UBR1: variants seen among roughly 807,000 people sequenced by gnomAD.
The protein encoded by UBR1 is ubiquitin protein ligase E3 component n-recognin 1, also known as E3 ubiquitin-protein ligase UBR1.
A neutral mutation model predicts 242.1 loss-of-function variants in UBR1; 102 were observed. That is an observed-to-expected ratio of 0.42 (90% confidence interval 0.36 to 0.50). The LOEUF (loss-of-function observed/expected upper bound fraction) is 0.50, where lower values mean the gene tolerates loss of function less well. Ranked by LOEUF, UBR1 falls within the 20% of genes least tolerant of loss-of-function variation. The probability of loss-of-function intolerance (pLI) is 0.01; values close to 1 mark genes in which losing one functional copy is unlikely to be tolerated. For missense variants in UBR1, 1,772 were observed against 2,101.8 expected, an observed-to-expected ratio of 0.84 and a Z score of 3.07; for synonymous variants, 675 against 684.8, an observed-to-expected ratio of 0.99 and a Z score of 0.22.
chr15:42,970,426 A>G, intron 40 of UBR1, 94 bp downstream of exon 40: 1 of 1,314,590 alleles, frequency 7.6e-7, no homozygotes, highest in Non-Finnish European at 1.1e-6. Context: ...ATTATTTTTA[A>G]CTGGAATTTA....
intron 17 of UBR1, among the ~76,000 whole-genome samples, chr15:43,036,914 AT>A (rs931970237): frequency 1.3e-4 from 19 of 148,352 alleles, no homozygotes; most frequent in Admixed American, 1.1e-3. Context: ...TCATAATACC[AT>A]TTTTTTCTTT....
Position 43,021,295 on chromosome 15 carries a change from T to C in UBR1, c.2920A>G (p.Met974Val). The change falls in exon 27 of 47, where the codon ATG (methionine) becomes GTG (valine). Residue 974 changes from methionine to valine, a missense_variant. This residue lies in a region of UBR1 where 965 missense variants were observed against 1,079.7 expected (regional missense o/e 0.89). Transcript: ENST00000290650. ...TTTACCTGAAGTATCCACGTTATCATGTCCTTCTGGCCTTCTAACTGGGGA... is the reference window on the plus strand; with the variant it reads ...TTTACCTGAAGTATCCACGTTATCACGTCCTTCTGGCCTTCTAACTGGGGA... ...GIPQLEGQKD[M>V]ITWILQMFDT... is the part of the protein sequence containing the mutation. 1 of 1,613,832 alleles carries C rather than the reference T, an allele frequency of 6.2e-7. No individual in the cohort carries two copies. Among genetic ancestry groups the C allele is most frequent in the Non-Finnish European group, 8.5e-7 (1 of 1,179,830 alleles).
In UBR1 at chr15:43,034,237, AAAATAAATAAAT is replaced by A. The variant is rs35184791; in HGVS notation, c.2191-1618_2191-1607del. ...GGTGACAGAGCAACACTCCATCTCA[AAAATAAATAAAT>A]AAATAAATAAATAAATAAATAAATA... On this transcript the variant is annotated intron_variant, in intron 19 of 46. Coordinates refer to ENST00000290650, the MANE Select transcript of UBR1 (RefSeq NM_174916.3). 3.2e-3 allele frequency among the ~76,000 whole-genome samples: 355 copies of A among 110,918 alleles called. 2 individuals carry two copies. The highest frequency in any genetic ancestry group is 0.011 in the African/African-American group (331 of 31,210). 72.8% of individuals were successfully genotyped at this position (110,918 alleles called of 152,430 possible).
At chr15:42,985,385 T>C (rs2032442653) in intron 35 of UBR1, among the ~76,000 whole-genome samples, 1 of 152,130 alleles carries the variant, frequency 6.6e-6, no homozygotes, top group African/African-American at 2.4e-5. Context: ...AGACTTTCGC[T>C]CTTGTTGCCC....
intron 13 of UBR1, 50 bp downstream of exon 13, chr15:43,048,342 A>G (rs778731661): frequency 6.9e-7 from 1 of 1,456,202 alleles, no homozygotes; most frequent in Admixed American, 1.9e-5. Flanking sequence ...ACTGCGGTTC[A>G]ATTTTTAAAA....
At chr15:43,020,134 G>A (rs571799048) in intron 27 of UBR1, among the ~76,000 whole-genome samples, 25 of 151,568 alleles carry the variant, frequency 1.6e-4, no homozygotes, top group Admixed American at 7.9e-4. Context: ...CCACCTCCCT[G>A]GTTCAAGCAA....
chr15:43,079,317 G>A (rs973172390), intron 3 of UBR1, among the ~76,000 whole-genome samples: 11 of 151,724 alleles, frequency 7.3e-5, no homozygotes, highest in South Asian at 6.2e-4. Context: ...AAAAATAATC[G>A]AATTAAATTA....
At chr15:43,006,106 G>GAAAAA (rs1235960946) in intron 30 of UBR1, among the ~76,000 whole-genome samples, 6 of 111,450 alleles carry the variant, frequency 5.4e-5, no homozygotes, top group African/African-American at 1.0e-4. Flanking sequence ...AAAAAAAAAA[G>GAAAAA]AAAAAAAAAA....
intron 32 of UBR1, among the ~76,000 whole-genome samples, chr15:42,999,630 AC>A (rs1048958487): frequency 2.0e-5 from 3 of 152,064 alleles, no homozygotes; most frequent in African/African-American, 7.2e-5. Flanking sequence ...GAGTTAGAGA[AC>A]AGCCTGGGAA....
chr15:43,007,173 C>G lies in UBR1; in HGVS notation c.3321G>C (p.Val1107=), dbSNP rs940897683. 6.2e-7 allele frequency: 1 copy of G among 1,613,978 alleles called. No homozygotes were observed. Among genetic ancestry groups the G allele is most frequent in the South Asian group, 1.1e-5 (1 of 91,082 alleles). ...ATACCATGGCATTATTTTCTATTTTCACCTCCTGTTCTTCTTGGCAAAGGA... is the reference window on the plus strand; with the variant it reads ...ATACCATGGCATTATTTTCTATTTTGACCTCCTGTTCTTCTTGGCAAAGGA... ...TCILCQEEQE[V]KIENNAMVLS... The change falls in exon 30 of 47, where the codon GTG becomes GTC. Residue 1107 remains valine (V), a synonymous_variant. Coordinates refer to ENST00000290650, the MANE Select transcript of UBR1 (RefSeq NM_174916.3).
At chr15:43,023,130 C>T (rs2033132034) in intron 25 of UBR1, among the ~76,000 whole-genome samples, 1 of 152,110 alleles carries the variant, frequency 6.6e-6, no homozygotes, top group South Asian at 2.1e-4. Context: ...GCTTCAGCTT[C>T]CCAAAGTGCT....
rs946141526 is a variant in UBR1 at position 42,943,875 on chromosome 15, G to GA, written c.*1453dup. On this transcript the variant is annotated 3_prime_UTR_variant, in exon 47 of 47. Transcript: ENST00000290650. ...TGTAATTATTCAAGTAGAAAATCATGATTGTGATTCTGACGCCTGCTCATG... is the reference window on the plus strand; with the variant it reads ...TGTAATTATTCAAGTAGAAAATCATGAATTGTGATTCTGACGCCTGCTCATG... 16 of 152,416 alleles carry GA rather than the reference G, an allele frequency of 1.0e-4. No homozygotes were observed. The highest frequency in any genetic ancestry group is 3.9e-4 in the African/African-American group (16 of 41,436). 9.4% of individuals were successfully genotyped at this position (152,416 alleles called of 1,614,324 possible).
chr15:42,960,705 T>G lies in UBR1; in HGVS notation c.4701-4A>C, dbSNP rs1166287826. ...TAAGGCAGGATCTGCACACCACCTG[T>G]ATGTGGAGCCAAGAGAAAAGACAAA... On this transcript the variant is annotated splice_region_variant and splice_polypyrimidine_tract_variant and intron_variant, in intron 42 of 46. Transcript: ENST00000290650. 1.2e-6 allele frequency: 2 copies of G among 1,613,730 alleles called. No homozygotes were observed. Among genetic ancestry groups the G allele is most frequent in the African/African-American group, 2.7e-5 (2 of 74,922 alleles).
At chr15:43,062,152 G>A (rs762623246) in intron 6 of UBR1, among the ~76,000 whole-genome samples, 2 of 152,064 alleles carry the variant, frequency 1.3e-5, no homozygotes, top group Non-Finnish European at 2.9e-5. Context: ...GTACCCAAAA[G>A]AACTGAAAGC....
chr15:43,050,621 G>C (rs146246190), intron 12 of UBR1, among the ~76,000 whole-genome samples: 4 of 152,060 alleles, frequency 2.6e-5, no homozygotes, highest in Non-Finnish European at 4.4e-5. Flanking sequence ...CTATTCGGGA[G>C]GCTGAGGCAG....
chr15:43,083,377 T>A (rs980082360), intron 2 of UBR1, among the ~76,000 whole-genome samples: 10 of 140,698 alleles, frequency 7.1e-5, no homozygotes, highest in African/African-American at 2.5e-4. Context: ...AGGATTATTA[T>A]TTTTTTTTCT....
At chr15:43,087,773 A>G (rs1332598609) in intron 1 of UBR1, among the ~76,000 whole-genome samples, 1 of 152,172 alleles carries the variant, frequency 6.6e-6, no homozygotes. Context: ...ACTATTTTTA[A>G]TCGTCAAAGA....
intron 46 of UBR1, among the ~76,000 whole-genome samples, chr15:42,948,246 G>A (rs1279468058): frequency 6.6e-6 from 1 of 152,120 alleles, no homozygotes; most frequent in African/African-American, 2.4e-5. Flanking sequence ...AGCTGAAACT[G>A]GACCCCTTCC....
chr15:42,993,906 A>T (rs1403196372), intron 33 of UBR1, among the ~76,000 whole-genome samples: 1 of 151,668 alleles, frequency 6.6e-6, no homozygotes, highest in Non-Finnish European at 1.5e-5. Context: ...AGAAGTTTCC[A>T]TCAAGGCACT....
Sources: allele counts gnomAD v4.1 joint callset (sites outside exome capture counted in the v4.1 genomes callset), GRCh38; gene constraint gnomAD v4.1.1; regional missense constraint gnomAD v4.1.1; transcripts MANE v1.5; gene names NCBI Gene and HGNC (gene_info 2026-07-23, HGNC 2026-07-21).